ULK4: variants seen among roughly 807,000 people sequenced by gnomAD.
ULK4 encodes unc-51 like kinase 4.
Under a neutral mutation model 160.6 loss-of-function variants are expected in ULK4, and 133 were observed. That is an observed-to-expected ratio of 0.83 (90% CI 0.72 to 0.96). The LOEUF (loss-of-function observed/expected upper bound fraction) is 0.96, where lower values mean the gene tolerates loss of function less well. Among genes scored for constraint, ULK4 ranks in the 40% least tolerant of loss-of-function variants. The probability of loss-of-function intolerance (pLI) is 0.00; values close to 1 mark genes in which losing one functional copy is unlikely to be tolerated. For synonymous variants in ULK4, 534 were observed against 539.8 expected, an observed-to-expected ratio of 0.99 and a Z score of 0.15; for missense variants, 1,580 against 1,499.5, an observed-to-expected ratio of 1.05 and a Z score of -0.89.
At chr3:41,345,754 A>G (rs1284101931) in intron 35 of ULK4, among the ~76,000 whole-genome samples, 4 of 152,186 alleles carry the variant, frequency 2.6e-5, no homozygotes, top group Non-Finnish European at 5.9e-5. Context: ...AAAAACCTGC[A>G]CATCCTGCAC....
chr3:41,409,530 A>G (rs897625130), intron 34 of ULK4, among the ~76,000 whole-genome samples: 5 of 152,176 alleles, frequency 3.3e-5, no homozygotes, highest in African/African-American at 1.2e-4. Flanking sequence ...CTTACAACTC[A>G]CTAATTTTAA....
At chr3:41,337,275 G>T (rs1383002991) in intron 35 of ULK4, among the ~76,000 whole-genome samples, 2 of 152,064 alleles carry the variant, frequency 1.3e-5, no homozygotes, top group African/African-American at 2.4e-5. Flanking sequence ...GATAATTTTG[G>T]TAAATTAAAA....
chr3:41,906,385 C>G (rs867270808), intron 12 of ULK4, among the ~76,000 whole-genome samples: 1 of 151,908 alleles, frequency 6.6e-6, no homozygotes, highest in Non-Finnish European at 1.5e-5. Flanking sequence ...TAAACTTAGC[C>G]GGGTGTGGTG....
chr3:41,594,621 G>A (rs2031565909), intron 31 of ULK4, among the ~76,000 whole-genome samples: 1 of 152,210 alleles, frequency 6.6e-6, no homozygotes, highest in Admixed American at 6.5e-5. Flanking sequence ...AGATGGGGTG[G>A]AAGAGAGATG....
chr3:41,737,720 G>A (rs554108308), intron 22 of ULK4, among the ~76,000 whole-genome samples: 1 of 151,918 alleles, frequency 6.6e-6, no homozygotes, highest in African/African-American at 2.4e-5. Flanking sequence ...CCATCTCCCT[G>A]CCAGAATCCT....
chr3:41,387,471 C>G (rs935049531), intron 35 of ULK4, among the ~76,000 whole-genome samples: 10 of 152,068 alleles, frequency 6.6e-5, no homozygotes, highest in Non-Finnish European at 4.4e-5. Context: ...GTGCTGCACC[C>G]ATCAACTCAT....
chr3:41,800,197 C>G lies in ULK4; in HGVS notation c.1945G>C (p.Gly649Arg). The change falls in exon 20 of 37, where the codon GGA becomes CGA. Residue 649 changes from glycine to arginine, a missense_variant. By Grantham distance (125) the Gly-to-Arg change is moderately radical. Coordinates refer to ENST00000301831, the MANE Select transcript of ULK4 (RefSeq NM_017886.4). Reference sequence around the variant, plus strand: ...CTGAATAGGTACCACAAAATGGGTCCTATTTCTCCTGTAATAAAGCCCTGG... The same window carrying G: ...CTGAATAGGTACCACAAAATGGGTCGTATTTCTCCTGTAATAAAGCCCTGG... ...QSQGFITGEI[G>R]PILWYLFRHS... The G allele has an allele frequency of 6.2e-7, 1 of 1,613,798 alleles. No homozygotes were observed. Among genetic ancestry groups the G allele is most frequent in the Non-Finnish European group, 8.5e-7 (1 of 1,179,890 alleles).
intron 21 of ULK4, among the ~76,000 whole-genome samples, chr3:41,781,407 A>G (rs1211679774): frequency 7.0e-6 from 1 of 141,938 alleles, no homozygotes; most frequent in Non-Finnish European, 1.5e-5. Context: ...ACAGAGCGAG[A>G]CTCCATCTTA....
intron 35 of ULK4, among the ~76,000 whole-genome samples, chr3:41,356,293 T>C (rs1032088869): frequency 3.3e-5 from 5 of 152,340 alleles, no homozygotes; most frequent in South Asian, 2.1e-4. Context: ...GCCAGACGCA[T>C]AGACGAGACC....
intron 22 of ULK4, among the ~76,000 whole-genome samples, chr3:41,746,253 G>A (rs1575641374): frequency 1.7e-5 from 1 of 58,226 alleles, no homozygotes; most frequent in Admixed American, 2.7e-4. Flanking sequence ...TGGCTATATA[G>A]AAAATCTCCT....
chr3:41,726,777 A>G (rs1339069804), intron 22 of ULK4, among the ~76,000 whole-genome samples: 1 of 152,068 alleles, frequency 6.6e-6, no homozygotes. Context: ...CGCCAGGCTA[A>G]TTTTTGTATT....
intron 35 of ULK4, among the ~76,000 whole-genome samples, chr3:41,269,475 G>T (rs558744922): frequency 9.2e-5 from 14 of 152,114 alleles, no homozygotes; most frequent in African/African-American, 3.1e-4. Context: ...TGATCCAAAG[G>T]CTCCCTTAAT....
chr3:41,463,906 T>G (rs888909333), intron 32 of ULK4, among the ~76,000 whole-genome samples: 1 of 151,422 alleles, frequency 6.6e-6, no homozygotes, highest in Non-Finnish European at 1.5e-5. Flanking sequence ...AACCTTTGAA[T>G]TGAAATACAA....
chr3:41,709,741 T>C (rs1409486906), intron 25 of ULK4, among the ~76,000 whole-genome samples: 1 of 152,180 alleles, frequency 6.6e-6, no homozygotes, highest in Non-Finnish European at 1.5e-5. Context: ...ATTAAAATTA[T>C]TTCACATAAT....
Position 41,768,247 on chromosome 3 carries a change from A to G in ULK4, c.2194-13759T>C, listed in dbSNP as rs144292283. 2.0e-3 allele frequency among the ~76,000 whole-genome samples: 306 copies of G among 152,354 alleles called. 1 individual carries two copies. Among genetic ancestry groups the G allele is most frequent in the African/African-American group, 7.1e-3 (295 of 41,582 alleles). On this transcript the variant is annotated intron_variant, in intron 21 of 36. Coordinates refer to ENST00000301831, the MANE Select transcript of ULK4 (RefSeq NM_017886.4). ...CCTGGTGCCAAAAAGGGTGGAGACC[A>G]CTGGTTTGTAAGACAAACATGAAAC...
intron 35 of ULK4, among the ~76,000 whole-genome samples, chr3:41,321,105 A>AC (rs749745882): frequency 6.6e-6 from 1 of 151,196 alleles, no homozygotes; most frequent in Non-Finnish European, 1.5e-5. Flanking sequence ...ACGAACTTGC[A>AC]CCCCGGGAAG....
chr3:41,636,897 T>C (rs1395965596), intron 30 of ULK4, among the ~76,000 whole-genome samples: 1 of 152,188 alleles, frequency 6.6e-6, no homozygotes, highest in Non-Finnish European at 1.5e-5. Context: ...AGATGTTTAA[T>C]ATATACCGAC....
chr3:41,582,336 G>T (rs912914810), intron 31 of ULK4, among the ~76,000 whole-genome samples: 8 of 151,988 alleles, frequency 5.3e-5, no homozygotes, highest in Admixed American at 3.9e-4. Flanking sequence ...CCCAGTCTTG[G>T]GTATGTGTTT....
intron 17 of ULK4, among the ~76,000 whole-genome samples, chr3:41,874,109 T>A (rs1697215517): frequency 3.9e-5 from 6 of 152,158 alleles, no homozygotes; most frequent in Admixed American, 3.9e-4. Flanking sequence ...GAAAAAAGGT[T>A]ATAAATTGAA....
Sources: gnomAD v4.1 joint callset for allele counts (sites outside exome capture counted in the v4.1 genomes callset) on GRCh38, gnomAD v4.1.1 for gene constraint, MANE v1.5 for transcripts, NCBI Gene and HGNC (gene_info 2026-07-23, HGNC 2026-07-21) for gene names.